PDZRN4: variants seen among roughly 807,000 people sequenced by gnomAD.
PDZRN4 encodes PDZ domain containing ring finger 4.
Under a neutral mutation model 99.0 loss-of-function variants are expected in PDZRN4, and 70 were observed. The observed-to-expected ratio is 0.71, with a 90% confidence interval of 0.58 to 0.86. The LOEUF is 0.86. Ranked by LOEUF, PDZRN4 falls within the 40% of genes least tolerant of loss-of-function variation. The pLI is 0.00. For synonymous variants in PDZRN4, 551 were observed against 501.6 expected, an observed-to-expected ratio of 1.10 and a Z score of -1.32; for missense variants, 1,474 against 1,331.2, an observed-to-expected ratio of 1.11 and a Z score of -1.67.
At chr12:41,191,934 C>T (rs1950738400) in intron 2 of PDZRN4, among the ~76,000 whole-genome samples, 1 of 151,866 alleles carries the variant, frequency 6.6e-6, no homozygotes, top group Non-Finnish European at 1.5e-5. Context: ...AGGCTCCTGC[C>T]ACCACACCCG....
At chr12:41,264,891 G>T (rs574590327) in intron 3 of PDZRN4, among the ~76,000 whole-genome samples, 2 of 152,252 alleles carry the variant, frequency 1.3e-5, no homozygotes, top group Non-Finnish European at 2.9e-5. Flanking sequence ...TTACAAGTGG[G>T]TACTCATGAA....
chr12:41,573,108 G>A lies in PDZRN4; in HGVS notation c.2329G>A (p.Ala777Thr). 6.2e-7 allele frequency: 1 copy of A among 1,614,080 alleles called. No individual in the cohort carries two copies. Among genetic ancestry groups the A allele is most frequent in the Non-Finnish European group, 8.5e-7 (1 of 1,180,006 alleles). ...TNKKNLRSTM[A>T]ATQSSSGQSS... ...TAAGAAAAACCTGAGAAGCACAATG[G>A]CAGCCACCCAGTCCTCTTCCGGACA... The change falls in exon 10 of 10, where the codon GCA (alanine) becomes ACA (threonine). Residue 777 changes from alanine to threonine, a missense_variant. Transcript: ENST00000402685.
At chr12:41,321,011 T>C (rs1464745050) in intron 3 of PDZRN4, among the ~76,000 whole-genome samples, 1 of 152,186 alleles carries the variant, frequency 6.6e-6, no homozygotes, top group Non-Finnish European at 1.5e-5. Flanking sequence ...ATTACAACTT[T>C]TACAAGTTTG....
chr12:41,252,217 A>G (rs560083614), intron 3 of PDZRN4, among the ~76,000 whole-genome samples: 1 of 152,326 alleles, frequency 6.6e-6, no homozygotes, highest in South Asian at 2.1e-4. Context: ...TATGATCAGT[A>G]ATTCTACTCC....
At chr12:41,227,214 AAGTGGTGTT>A (rs1951000758) in intron 3 of PDZRN4, among the ~76,000 whole-genome samples, 1 of 152,210 alleles carries the variant, frequency 6.6e-6, no homozygotes, top group African/African-American at 2.4e-5. Context: ...TTGTTCAGTC[AAGTGGTGTT>A]CAGAAGTAAT....
chr12:41,509,949 T>C (rs564974460), intron 5 of PDZRN4, 36 bp downstream of exon 5: 3 of 1,017,424 alleles, frequency 2.9e-6, no homozygotes, highest in Non-Finnish European at 3.0e-6. Flanking sequence ...CATTTCTTCA[T>C]GAAGTTACGG....
chr12:41,331,782 G>A lies in PDZRN4; in HGVS notation c.843+137594G>A, dbSNP rs1592015502. On this transcript the variant is annotated intron_variant, in intron 3 of 9. Coordinates refer to ENST00000402685, the MANE Select transcript of PDZRN4 (RefSeq NM_001164595.2). ...CCTCTTTATAGGGCGGCAGGAGAGA[G>A]AATGAGAACCGAGCAAAGCAAGAAA... Among the ~76,000 whole-genome samples the A allele has an allele frequency of 4.6e-5, 7 of 152,126 alleles. 2 individuals carry two copies. Among genetic ancestry groups the A allele is most frequent in the South Asian group, 2.1e-4 (1 of 4,820 alleles).
chr12:41,373,992 C>G (rs1469266101), intron 3 of PDZRN4, among the ~76,000 whole-genome samples: 1 of 152,140 alleles, frequency 6.6e-6, no homozygotes, highest in Non-Finnish European at 1.5e-5. Context: ...GGTTCTTGGG[C>G]TCCCATGAAA....
At chr12:41,517,522 A>G (rs776896268) in intron 5 of PDZRN4, among the ~76,000 whole-genome samples, 2 of 152,096 alleles carry the variant, frequency 1.3e-5, no homozygotes, top group African/African-American at 4.8e-5. Context: ...AGCAAAATTC[A>G]TATTAAAGAT....
chr12:41,355,394 G>A (rs1221885060), intron 3 of PDZRN4, among the ~76,000 whole-genome samples: 1 of 151,916 alleles, frequency 6.6e-6, no homozygotes. Context: ...ATATAATTAG[G>A]CAGACCAGAT....
chr12:41,251,812 A>T (rs1469162509), intron 3 of PDZRN4, among the ~76,000 whole-genome samples: 3 of 152,150 alleles, frequency 2.0e-5, no homozygotes, highest in Non-Finnish European at 4.4e-5. Flanking sequence ...ACCAATTTAT[A>T]AAAACGTTAT....
At chr12:41,567,492 G>T (rs1939394604) in intron 8 of PDZRN4, among the ~76,000 whole-genome samples, 1 of 152,088 alleles carries the variant, frequency 6.6e-6, no homozygotes, top group South Asian at 2.1e-4. Context: ...GATTATGCAG[G>T]ATGCTTTTCA....
chr12:41,191,610 G>T (rs940969235), intron 2 of PDZRN4, 66 bp downstream of exon 2: 2 of 767,616 alleles, frequency 2.6e-6, no homozygotes, highest in Admixed American at 2.2e-5. Flanking sequence ...ATTACTCATT[G>T]CTTATAAAAT....
intron 3 of PDZRN4, among the ~76,000 whole-genome samples, chr12:41,353,614 T>C (rs1243087841): frequency 6.6e-6 from 1 of 152,046 alleles, no homozygotes; most frequent in Non-Finnish European, 1.5e-5. Flanking sequence ...TGTCAACCTA[T>C]AGCAAGCAGC....
intron 3 of PDZRN4, among the ~76,000 whole-genome samples, chr12:41,228,513 G>T: frequency 6.6e-6 from 1 of 152,024 alleles, no homozygotes; most frequent in East Asian, 1.9e-4. Context: ...ATTTTGAAAG[G>T]CCTTTTGCCA....
chr12:41,492,795 C>CTATTTATAAA (rs1217656748), intron 3 of PDZRN4, among the ~76,000 whole-genome samples: 3 of 152,048 alleles, frequency 2.0e-5, no homozygotes, highest in Non-Finnish European at 2.9e-5. Context: ...TATTTGTAAG[C>CTATTTATAAA]TGCCACTATG....
At chr12:41,365,003 T>C (rs1485240768) in intron 3 of PDZRN4, among the ~76,000 whole-genome samples, 1 of 152,048 alleles carries the variant, frequency 6.6e-6, no homozygotes, top group East Asian at 1.9e-4. Flanking sequence ...CTAGGGTGAG[T>C]TACATAAATT....
chr12:41,197,369 T>A (rs1400341282), intron 3 of PDZRN4, among the ~76,000 whole-genome samples: 1 of 152,114 alleles, frequency 6.6e-6, no homozygotes, highest in Non-Finnish European at 1.5e-5. Flanking sequence ...AATTCAAGAA[T>A]AATAAAAGAA....
At chr12:41,367,710 GA>G (rs1163544255) in intron 3 of PDZRN4, among the ~76,000 whole-genome samples, 1 of 151,814 alleles carries the variant, frequency 6.6e-6, no homozygotes, top group East Asian at 1.9e-4. Flanking sequence ...TTATAGCTAT[GA>G]AAAAATTCAA....
Sources: allele counts gnomAD v4.1 joint callset (sites outside exome capture counted in the v4.1 genomes callset), GRCh38; gene constraint gnomAD v4.1.1; transcripts MANE v1.5; gene names NCBI Gene and HGNC (gene_info 2026-07-23, HGNC 2026-07-21).